ZHX3: variants seen among roughly 807,000 people sequenced by gnomAD.
The protein encoded by ZHX3 is zinc fingers and homeoboxes 3.
In ZHX3, 20 loss-of-function variants were observed where a neutral mutation model predicts 64.5. The ratio of observed to expected loss-of-function variants is 0.31; its 90% CI spans 0.22 to 0.45. The LOEUF (loss-of-function observed/expected upper bound fraction) is 0.45. ZHX3 is among the 20% of genes least tolerant of loss of function. The pLI is 1.00. For missense variants in ZHX3, 1,041 were observed against 1,195.8 expected (o/e 0.87, Z 1.91); for synonymous variants, 423 against 461.6 (o/e 0.92, Z 1.07).
intron 2 of ZHX3, among the ~76,000 whole-genome samples, chr20:41,233,304 C>A (rs1451525505): frequency 6.6e-6 from 1 of 152,214 alleles, no homozygotes; most frequent in Admixed American, 6.5e-5. Context: ...GGTGTATACA[C>A]CCTTCTTTAC....
chr20:41,226,329 C>G lies in ZHX3; in HGVS notation c.-150-21263G>C, dbSNP rs927054922. Among the ~76,000 whole-genome samples the G allele has an allele frequency of 1.3e-5, 2 of 151,958 alleles. No homozygotes were observed. Among genetic ancestry groups the G allele is most frequent in the African/African-American group, 4.8e-5 (2 of 41,344 alleles). On this transcript the variant is annotated intron_variant, in intron 2 of 3. Coordinates refer to ENST00000683867, the MANE Select transcript of ZHX3 (RefSeq NM_001384317.1). The surrounding 1 kb of genome is among the most constrained non-coding windows in gnomAD (Gnocchi z 4.4). ...TGAGATCGCGCCACTGAACTCCAGCCTGGGTGACAGGGCAATACTCTATTT... is the reference window on the plus strand; with the variant it reads ...TGAGATCGCGCCACTGAACTCCAGCGTGGGTGACAGGGCAATACTCTATTT...
rs2038531741 is a variant in ZHX3, at chr20:41,204,445, T to G, written c.472A>C (p.Ser158Arg). ...CCCGCTAGGTCAGGAGTGCTGGTGC[T>G]CTCAGGGATGCTCTGCTCCACAACC... ...HVVVEQSIPE[S>R]TSTPDLAGEP... Residue 158 changes from serine to arginine, a missense_variant, in exon 3 of 4, where the codon AGC becomes CGC. Physicochemically the swap from Ser to Arg is moderately radical, Grantham distance 110. Around this residue, in one of 4 missense-constraint regions of ZHX3, gnomAD observed 358 missense variants for 369.1 expected, o/e 0.97. Transcript: ENST00000683867. The surrounding 1 kb of genome is among the most constrained non-coding windows in gnomAD (Gnocchi z 6.6). 1 of 1,614,082 alleles carries G rather than the reference T, an allele frequency of 6.2e-7. No individual in the cohort carries two copies. The highest frequency in any genetic ancestry group is 1.3e-5 in the African/African-American group (1 of 74,918).
rs1022242638 is a variant in ZHX3, at chr20:41,189,331, G to A, written c.2861-4130C>T. ...TTGCTTTGACTATTTTAGCTCTTTC[G>A]TGGTTCTGTACAAATTTTAGGGTTT... is the stretch of plus-strand genomic sequence containing the variant. On this transcript the variant is annotated intron_variant, in intron 3 of 3. Transcript: ENST00000683867. Among the ~76,000 whole-genome samples the A allele has an allele frequency of 6.6e-5, 10 of 152,172 alleles. No homozygotes were observed. The South Asian group carries it at 1.2e-3, about 19-fold the overall frequency.
chr20:41,208,986 A>G (rs1189546967), intron 2 of ZHX3, among the ~76,000 whole-genome samples: 3 of 152,378 alleles, frequency 2.0e-5, no homozygotes, highest in Non-Finnish European at 4.4e-5. Flanking sequence ...AAGCAACTTC[A>G]GCAAAGTCTC....
intron 1 of ZHX3, among the ~76,000 whole-genome samples, chr20:41,279,047 G>T (rs1316906140): frequency 6.6e-6 from 1 of 152,088 alleles, no homozygotes; most frequent in Non-Finnish European, 1.5e-5. Context: ...AAAGTTCTGG[G>T]ATTCCAGACG....
intron 1 of ZHX3, among the ~76,000 whole-genome samples, chr20:41,273,416 G>A (rs1240694766): frequency 6.6e-6 from 1 of 152,090 alleles, no homozygotes; most frequent in African/African-American, 2.4e-5. Flanking sequence ...TGCTTTTGGT[G>A]TGTTTCTAAG....
At chr20:41,293,612 A>T (rs778816783) in intron 1 of ZHX3, among the ~76,000 whole-genome samples, 51 of 152,238 alleles carry the variant, frequency 3.4e-4, no homozygotes, top group Non-Finnish European at 6.6e-4. Flanking sequence ...CTTCTAGAGA[A>T]CTAGCTATAA....
At chr20:41,234,658 A>T (rs1004107254) in intron 2 of ZHX3, among the ~76,000 whole-genome samples, 1 of 152,262 alleles carries the variant, frequency 6.6e-6, no homozygotes, top group Admixed American at 6.5e-5. Context: ...ACCCAACCCG[A>T]TTACAGTGTA....
At chr20:41,287,067 A>T (rs2043971945) in intron 1 of ZHX3, among the ~76,000 whole-genome samples, 1 of 152,234 alleles carries the variant, frequency 6.6e-6, no homozygotes, top group Non-Finnish European at 1.5e-5. Context: ...TAGCAGTATA[A>T]GAATAGACTA....
At chr20:41,257,042 T>C (rs2042295361) in intron 2 of ZHX3, among the ~76,000 whole-genome samples, 1 of 152,084 alleles carries the variant, frequency 6.6e-6, no homozygotes, top group Admixed American at 6.6e-5. Context: ...CCTCTAGCTT[T>C]TAAGATTTTT....
intron 2 of ZHX3, among the ~76,000 whole-genome samples, chr20:41,256,267 T>C (rs2042246888): frequency 6.6e-6 from 1 of 152,140 alleles, no homozygotes; most frequent in Admixed American, 6.5e-5. Context: ...CTGTCTTGCT[T>C]ACTGCTATGT....
intron 2 of ZHX3, among the ~76,000 whole-genome samples, chr20:41,251,090 G>C (rs2041969616): frequency 6.6e-6 from 1 of 152,124 alleles, no homozygotes; most frequent in African/African-American, 2.4e-5. Context: ...AAACAGAAAG[G>C]AAATGATTAA....
chr20:41,214,720 A>C (rs1180393780), intron 2 of ZHX3, among the ~76,000 whole-genome samples: 2 of 152,190 alleles, frequency 1.3e-5, no homozygotes, highest in Non-Finnish European at 2.9e-5. Context: ...TTAAACAGCA[A>C]AGTTCTAATT....
Position 41,200,470 on chromosome 20 carries a change from C to T in ZHX3, c.2860+1587G>A, listed in dbSNP as rs181656582. Among the ~76,000 whole-genome samples, 1 of 152,208 alleles carries T rather than the reference C, an allele frequency of 6.6e-6. No individual in the cohort carries two copies. The highest frequency in any genetic ancestry group is 6.5e-5 in the Admixed American group (1 of 15,280). On this transcript the variant is annotated intron_variant, in intron 3 of 3. Coordinates refer to ENST00000683867, the MANE Select transcript of ZHX3 (RefSeq NM_001384317.1). The surrounding 1 kb of genome is among the most constrained non-coding windows in gnomAD (Gnocchi z 4.2). ...TGCTCTGCATTATAAAAAAGTTAAA[C>T]TAGCCATAAAAACCTGTTGTTCTGA...
intron 1 of ZHX3, among the ~76,000 whole-genome samples, chr20:41,292,021 A>G (rs1479334570): frequency 2.0e-5 from 3 of 150,634 alleles, no homozygotes; most frequent in Admixed American, 2.0e-4. Context: ...TTTAAAAAAA[A>G]AAAAAAAAAA....
intron 1 of ZHX3, among the ~76,000 whole-genome samples, chr20:41,304,102 T>C (rs1053469607): frequency 6.6e-6 from 1 of 152,176 alleles, no homozygotes; most frequent in African/African-American, 2.4e-5. Flanking sequence ...TTAGTTTCCA[T>C]GGCCCCATTC....
intron 2 of ZHX3, among the ~76,000 whole-genome samples, chr20:41,247,708 T>A (rs1191677216): frequency 2.6e-5 from 4 of 152,126 alleles, no homozygotes; most frequent in African/African-American, 4.8e-5. Context: ...ACTTCAGCAA[T>A]CTACACTGCC....
chr20:41,279,507 A>T (rs1342403812), intron 1 of ZHX3, among the ~76,000 whole-genome samples: 3 of 152,170 alleles, frequency 2.0e-5, no homozygotes, highest in African/African-American at 7.2e-5. Context: ...AATTCCTTGA[A>T]TGTCTGATAC....
chr20:41,254,848 G>A (rs909761548), intron 2 of ZHX3, among the ~76,000 whole-genome samples: 7 of 152,070 alleles, frequency 4.6e-5, no homozygotes, highest in South Asian at 2.1e-4. Context: ...AGTTGATAAC[G>A]CAGGAGACAA....
Sources: gnomAD v4.1 joint callset for allele counts (sites outside exome capture counted in the v4.1 genomes callset) on GRCh38, gnomAD v4.1.1 for gene constraint, gnomAD v4.1.1 regional missense constraint, Gnocchi (gnomAD v3.1) non-coding constraint, MANE v1.5 for transcripts, NCBI Gene and HGNC (gene_info 2026-07-23, HGNC 2026-07-21) for gene names.